The following TMEM87B variants were observed in gnomAD, a reference collection of about 807,000 sequenced individuals.
The protein encoded by TMEM87B is transmembrane protein 87B.
Under a neutral mutation model 80.3 loss-of-function variants are expected in TMEM87B, and 83 were observed. The ratio of observed to expected loss-of-function variants is 1.03; its 90% confidence interval spans 0.87 to 1.24. The LOEUF (loss-of-function observed/expected upper bound fraction) is 1.24. TMEM87B is among the 50% of genes most tolerant of loss of function. TMEM87B has a pLI of 0.00. For synonymous variants in TMEM87B, 219 were observed against 230.5 expected, an observed-to-expected ratio of 0.95 and a Z score of 0.45; for missense variants, 625 against 674.4, an observed-to-expected ratio of 0.93 and a Z score of 0.81.
At chr2:112,111,136 G>A (rs1268603459) in intron 17 of TMEM87B, among the ~76,000 whole-genome samples, 2 of 152,100 alleles carry the variant, frequency 1.3e-5, no homozygotes, top group African/African-American at 4.8e-5. Flanking sequence ...AGTTTGTGGT[G>A]TTTTTTTGGT....
intron 5 of TMEM87B, among the ~76,000 whole-genome samples, chr2:112,076,866 G>A (rs1573697068): frequency 6.7e-6 from 1 of 148,228 alleles, no homozygotes; most frequent in Non-Finnish European, 1.5e-5. Flanking sequence ...GTGTGTGTGT[G>A]TGTGTGTGTG....
chr2:112,107,085 C>T lies in TMEM87B; in HGVS notation c.1525-703C>T, dbSNP rs116510345. Among the ~76,000 whole-genome samples the T allele has an allele frequency of 4.1e-3, 623 of 152,188 alleles. 2 individuals are homozygous for T. The highest frequency in any genetic ancestry group is 7.1e-3 in the Admixed American group (109 of 15,292). ...AAGTTAGAATATTTGAGATCAGGCC[C>T]GGTGGCTAATGCCTGTAATCCCAGC... On this transcript the variant is annotated intron_variant, in intron 16 of 18. Coordinates refer to ENST00000283206, the MANE Select transcript of TMEM87B (RefSeq NM_032824.3).
chr2:112,091,678 C>A, intron 10 of TMEM87B, 34 bp from the exon 11 acceptor site: 1 of 1,439,698 alleles, frequency 6.9e-7, no homozygotes, highest in Admixed American at 1.7e-5. Context: ...GAAAGTGTTA[C>A]ATTCAGGTTT....
intron 13 of TMEM87B, among the ~76,000 whole-genome samples, chr2:112,097,972 G>A (rs1401282008): frequency 6.6e-6 from 1 of 151,418 alleles, no homozygotes; most frequent in Non-Finnish European, 1.5e-5. Flanking sequence ...GGGCATTCGA[G>A]CGATGTTTTC....
In TMEM87B at chr2:112,055,770, C is replaced by T. The variant is rs780369494; in HGVS notation, c.165+14C>T. 4.8e-5 allele frequency: 70 copies of T among 1,462,082 alleles called. No homozygotes were observed. The highest frequency in any genetic ancestry group is 1.8e-4 in the Middle Eastern group (1 of 5,482). 90.6% of individuals were successfully genotyped at this position (1,462,082 alleles called of 1,614,324 possible). A position where few individuals can be genotyped will look rare whatever the true frequency, so the allele number is the denominator to read the frequency against. On this transcript the variant is annotated intron_variant, in intron 1 of 18. Transcript: ENST00000283206. ...ACAGTCAACGACGTAAGTGGAGTGTCGGGACCCAGGCGTGGCACGTCTCGG... is the reference window on the plus strand; with the variant it reads ...ACAGTCAACGACGTAAGTGGAGTGTTGGGACCCAGGCGTGGCACGTCTCGG...
chr2:112,094,441 G>A (rs182707449), intron 11 of TMEM87B, among the ~76,000 whole-genome samples: 173 of 152,004 alleles, frequency 1.1e-3, no homozygotes, highest in Non-Finnish European at 1.9e-3. Flanking sequence ...GATTACAGGC[G>A]TGAGCCACCG....
intron 4 of TMEM87B, among the ~76,000 whole-genome samples, chr2:112,071,027 G>C (rs931873318): frequency 6.6e-6 from 1 of 151,256 alleles, no homozygotes; most frequent in Non-Finnish European, 1.5e-5. Flanking sequence ...GGGTTTCACT[G>C]TGTTAGCCAG....
At chr2:112,100,500 ATTATT>A (rs1268161304) in intron 14 of TMEM87B, 117 bp from the exon 15 acceptor site, 29 of 592,672 alleles carry the variant, frequency 4.9e-5, no homozygotes, top group South Asian at 4.4e-4. Flanking sequence ...TTACGTTTTC[ATTATT>A]TTAAAGTATA....
intron 13 of TMEM87B, among the ~76,000 whole-genome samples, 191 bp from the exon 14 acceptor site, chr2:112,098,404 G>T (rs938741099): frequency 6.6e-6 from 1 of 152,086 alleles, no homozygotes; most frequent in Non-Finnish European, 1.5e-5. Flanking sequence ...GGGAATATTT[G>T]TAACATTAAA....
chr2:112,056,746 G>A (rs574448391), intron 1 of TMEM87B, among the ~76,000 whole-genome samples: 1 of 152,300 alleles, frequency 6.6e-6, no homozygotes, highest in East Asian at 1.9e-4. Context: ...AGAGGAACAC[G>A]CTGGGTATCT....
chr2:112,095,540 T>G, intron 11 of TMEM87B: 1 of 831,766 alleles, frequency 1.2e-6, no homozygotes, highest in Non-Finnish European at 1.4e-6. Context: ...TTGGTTTTAG[T>G]CAAGAATTGT....
intron 11 of TMEM87B, chr2:112,095,208 T>TTTTTGCTG (rs1334788253): frequency 7.7e-6 from 6 of 784,214 alleles, no homozygotes; most frequent in Admixed American, 1.1e-4. Flanking sequence ...TTTTTTTTTT[T>TTTTTGCTG]TTTTGCTGTT....
At position 112,108,132 on chromosome 2, in the gene TMEM87B, A is replaced by G. The variant is rs1013703893; in HGVS notation, c.1577+292A>G. On this transcript the variant is annotated intron_variant, in intron 17 of 18. Coordinates refer to ENST00000283206, the MANE Select transcript of TMEM87B (RefSeq NM_032824.3). ...TTTTTTATCTATTATGGAAAACGTC[A>G]AATGTATGTAAACTTTTTTTTTTTA... 5.3e-5 allele frequency among the ~76,000 whole-genome samples: 8 copies of G among 152,316 alleles called. No individual in the cohort carries two copies. In the South Asian group the frequency reaches 6.2e-4, roughly 12 times the overall value.
chr2:112,067,938 G>A (rs1245960750), intron 4 of TMEM87B, among the ~76,000 whole-genome samples: 1 of 152,254 alleles, frequency 6.6e-6, no homozygotes, highest in African/African-American at 2.4e-5. Flanking sequence ...AGTTGGCTGG[G>A]CGTGGTGGCT....
Position 112,081,071 on chromosome 2 carries a change from A to T in TMEM87B, c.607A>T (p.Ile203Phe). The change falls in exon 7 of 19, where the codon ATT (isoleucine) becomes TTT (phenylalanine). Residue 203 changes from isoleucine (I) to phenylalanine (F), a missense_variant. Transcript: ENST00000283206. The part of the protein sequence containing the change: ...SWNLNVSLSM[I>F]GPHGYISASD... ...CTCTATCCTAGTTTCTCTTTCTATG[A>T]TTGGGCCTCATGGATATATCTCTGC... 1 of 1,612,452 alleles carries T rather than the reference A, an allele frequency of 6.2e-7. No homozygotes were observed. The highest frequency in any genetic ancestry group is 1.1e-5 in the South Asian group (1 of 91,040).
intron 14 of TMEM87B, among the ~76,000 whole-genome samples, chr2:112,100,271 A>G (rs1198326157): frequency 6.6e-6 from 1 of 152,210 alleles, no homozygotes; most frequent in Non-Finnish European, 1.5e-5. Flanking sequence ...CAGATTAGCA[A>G]CTTTTCTTTT....
intron 5 of TMEM87B, 48 bp from the exon 6 acceptor site, chr2:112,077,144 T>C (rs1456757813): frequency 1.0e-6 from 1 of 998,584 alleles, no homozygotes; most frequent in Admixed American, 2.1e-5. Context: ...CTATATTACA[T>C]AGCAATTTGT....
chr2:112,091,574 C>G, intron 10 of TMEM87B, 138 bp from the exon 11 acceptor site: 1 of 647,608 alleles, frequency 1.5e-6, no homozygotes, highest in Admixed American at 3.0e-5. Context: ...AAACACAATC[C>G]TCTTAGGAAA....
chr2:112,118,693 C>T lies in TMEM87B; in HGVS notation c.*2550C>T, dbSNP rs188221928. 2.6e-5 allele frequency: 4 copies of T among 152,222 alleles called. No individual in the cohort carries two copies. The East Asian group carries it at 7.7e-4, about 29-fold the overall frequency. 9.4% of individuals were successfully genotyped at this position (152,222 alleles called of 1,614,324 possible). A position where few individuals can be genotyped will look rare whatever the true frequency, so the allele number is the denominator to read the frequency against. Reference sequence around the variant, plus strand: ...TCTTGTAAAGAAAATAATATTTTAACTTACACATCCTGTAGAAAATACCAC... The same window carrying T: ...TCTTGTAAAGAAAATAATATTTTAATTTACACATCCTGTAGAAAATACCAC... On this transcript the variant is annotated 3_prime_UTR_variant, in exon 19 of 19. Transcript: ENST00000283206.
Sources: gnomAD v4.1 joint callset for allele counts (sites outside exome capture counted in the v4.1 genomes callset) on GRCh38, gnomAD v4.1.1 for gene constraint, MANE v1.5 for transcripts, NCBI Gene and HGNC (gene_info 2026-07-23, HGNC 2026-07-21) for gene names.